Variants in LRMDA observed in about 807,000 individuals in gnomAD.
LRMDA encodes leucine rich melanocyte differentiation associated, also known as leucine-rich melanocyte differentiation-associated protein.
A neutral mutation model predicts 29.8 loss-of-function variants in LRMDA; 18 were observed. The observed-to-expected ratio is 0.60, with a 90% confidence interval of 0.42 to 0.90. The LOEUF (loss-of-function observed/expected upper bound fraction) is 0.90. LRMDA is among the 40% of genes least tolerant of loss of function. LRMDA has a pLI of 0.00. For synonymous variants in LRMDA, 125 were observed against 109.4 expected, an observed-to-expected ratio of 1.14 and a Z score of -0.89; for missense variants, 273 against 273.9, an observed-to-expected ratio of 1.00 and a Z score of 0.02.
At chr10:75,857,683 G>T (rs1844851466) in intron 2 of LRMDA, among the ~76,000 whole-genome samples, 2 of 152,192 alleles carry the variant, frequency 1.3e-5, no homozygotes, top group African/African-American at 4.8e-5. Flanking sequence ...AATTAAAGGA[G>T]GCCATAAAGA....
intron 2 of LRMDA, among the ~76,000 whole-genome samples, chr10:75,937,748 G>A (rs972578862): frequency 6.6e-6 from 1 of 152,184 alleles, no homozygotes; most frequent in Non-Finnish European, 1.5e-5. Flanking sequence ...AAGGAAAGAA[G>A]CCTCTTAGAT....
chr10:76,468,305 G>T lies in LRMDA; in HGVS notation c.602-88904G>T, dbSNP rs114218026. ...CTTCAGTCAAAATTTATTTCTTCAGGAATTTAATTTCCTTCTTCATCTCTT... is the reference window on the plus strand; with the variant it reads ...CTTCAGTCAAAATTTATTTCTTCAGTAATTTAATTTCCTTCTTCATCTCTT... On this transcript the variant is annotated intron_variant, in intron 6 of 6. Transcript: ENST00000611255. Among the ~76,000 whole-genome samples the T allele has an allele frequency of 9.1e-3, 1,385 of 152,270 alleles. 18 individuals carry two copies. Among genetic ancestry groups the T allele is most frequent in the African/African-American group, 0.032 (1,330 of 41,564 alleles).
At chr10:76,370,766 A>G (rs1212114537) in intron 6 of LRMDA, among the ~76,000 whole-genome samples, 1 of 152,150 alleles carries the variant, frequency 6.6e-6, no homozygotes, top group African/African-American at 2.4e-5. Flanking sequence ...CATACTATAT[A>G]TAGTAAGTGG....
At chr10:75,856,920 T>C (rs1475615627) in intron 2 of LRMDA, among the ~76,000 whole-genome samples, 2 of 152,202 alleles carry the variant, frequency 1.3e-5, no homozygotes, top group Non-Finnish European at 2.9e-5. Context: ...CATGATTGTA[T>C]ATTTAGAAAA....
Position 75,914,879 on chromosome 10 carries a change from C to T in LRMDA, c.132-121129C>T, listed in dbSNP as rs193153356. ...GCAACATGACCTCTTGTGTTGTAAC[C>T]TATACAAAGGTAAAAGTCTATATGG... On this transcript the variant is annotated intron_variant, in intron 2 of 6. Coordinates refer to ENST00000611255, the MANE Select transcript of LRMDA (RefSeq NM_001305581.2). 2.7e-4 allele frequency among the ~76,000 whole-genome samples: 41 copies of T among 152,168 alleles called. No homozygotes were observed. In the East Asian group the frequency reaches 7.1e-3, roughly 27 times the overall value.
intron 2 of LRMDA, among the ~76,000 whole-genome samples, chr10:75,708,290 C>T (rs964896884): frequency 6.6e-6 from 1 of 152,234 alleles, no homozygotes; most frequent in Non-Finnish European, 1.5e-5. Flanking sequence ...TGCTCTCTCT[C>T]TCATAACACA....
chr10:75,946,529 C>T (rs768855124), intron 2 of LRMDA, among the ~76,000 whole-genome samples: 2 of 151,998 alleles, frequency 1.3e-5, no homozygotes, highest in Non-Finnish European at 2.9e-5. Flanking sequence ...TGGCTGCTGG[C>T]GTTTGATTTG....
At chr10:75,670,577 G>A (rs1018769662) in intron 2 of LRMDA, among the ~76,000 whole-genome samples, 1 of 152,152 alleles carries the variant, frequency 6.6e-6, no homozygotes, top group East Asian at 1.9e-4. Context: ...TTCCCATCCT[G>A]GCTCCAAGGA....
intron 2 of LRMDA, among the ~76,000 whole-genome samples, chr10:75,546,559 T>C (rs1176141686): frequency 6.6e-6 from 1 of 152,232 alleles, no homozygotes; most frequent in African/African-American, 2.4e-5. Context: ...TGTATTTTTT[T>C]CTGCTAGTTT....
chr10:75,868,831 C>G (rs1845062287), intron 2 of LRMDA, among the ~76,000 whole-genome samples: 1 of 152,162 alleles, frequency 6.6e-6, no homozygotes, highest in South Asian at 2.1e-4. Flanking sequence ...TGCCGTCTCA[C>G]CCAGGATTTC....
chr10:75,511,245 G>A (rs1032120301), intron 2 of LRMDA, among the ~76,000 whole-genome samples: 1 of 152,192 alleles, frequency 6.6e-6, no homozygotes, highest in African/African-American at 2.4e-5. Flanking sequence ...TGAGGTGGGA[G>A]GATTGCCTCA....
At chr10:76,480,158 C>G (rs1842720992) in intron 6 of LRMDA, among the ~76,000 whole-genome samples, 1 of 151,936 alleles carries the variant, frequency 6.6e-6, no homozygotes, top group Non-Finnish European at 1.5e-5. Context: ...GACTTCTCAA[C>G]TGCTATTAGA....
At chr10:76,041,753 C>T (rs79459072) in intron 3 of LRMDA, among the ~76,000 whole-genome samples, 1 of 152,080 alleles carries the variant, frequency 6.6e-6, no homozygotes, top group African/African-American at 2.4e-5. Context: ...GGCAAGCCTC[C>T]CCATGACAGC....
intron 2 of LRMDA, among the ~76,000 whole-genome samples, chr10:75,674,363 A>G (rs117854372): frequency 0.014 from 2,130 of 152,286 alleles, 21 homozygotes; most frequent in Non-Finnish European, 0.024. Flanking sequence ...TATATAACAG[A>G]TAAGAGTGAT....
In LRMDA at chr10:75,619,535, C is replaced by T. The variant is rs908705034; in HGVS notation, c.131+181041C>T. ...AGGGTGAAGGGCAAACACACAAAGCCCCAAAGGTTCTATTTTTGGGCTGAG... is the reference window on the plus strand; with the variant it reads ...AGGGTGAAGGGCAAACACACAAAGCTCCAAAGGTTCTATTTTTGGGCTGAG... On this transcript the variant is annotated intron_variant, in intron 2 of 6. Coordinates refer to ENST00000611255, the MANE Select transcript of LRMDA (RefSeq NM_001305581.2). Among the ~76,000 whole-genome samples, 6 of 152,136 alleles carry T rather than the reference C, an allele frequency of 3.9e-5. No homozygotes were observed. The East Asian group carries it at 7.7e-4, about 20-fold the overall frequency.
intron 2 of LRMDA, among the ~76,000 whole-genome samples, chr10:75,725,573 A>G (rs764919905): frequency 9.2e-5 from 14 of 152,206 alleles, no homozygotes; most frequent in South Asian, 2.1e-4. Flanking sequence ...TTGAGTCCCA[A>G]TGTCAGAGAC....
intron 6 of LRMDA, chr10:76,438,558 G>A (rs1842268683): frequency 6.6e-6 from 1 of 152,082 alleles, no homozygotes; most frequent in Non-Finnish European, 1.5e-5. Flanking sequence ...ATCATTTCAG[G>A]TTGTGGCAGA....
Position 76,413,768 on chromosome 10 carries a change from AG to A in LRMDA, c.601+89287del, listed in dbSNP as rs1427692086. Among the ~76,000 whole-genome samples, 5 of 152,334 alleles carry A rather than the reference AG, an allele frequency of 3.3e-5. No individual in the cohort carries two copies. The East Asian group carries it at 9.6e-4, about 29-fold the overall frequency. ...TCTGTCTGTGTTGCTGTTCTATCCC[AG>A]GGGCCTAAACTAGAGCTTGGCACAC... On this transcript the variant is annotated intron_variant, in intron 6 of 6. Coordinates refer to ENST00000611255, the MANE Select transcript of LRMDA (RefSeq NM_001305581.2).
chr10:76,378,858 C>CTTTTTTTTTTTTTTTTTTTTT (rs144037195), intron 6 of LRMDA, among the ~76,000 whole-genome samples: 76 of 118,928 alleles, frequency 6.4e-4, no homozygotes, highest in Non-Finnish European at 8.5e-4. Context: ...CTTTTTTTTT[C>CTTTTTTTTTTTTTTTTTTTTT]TTTTTTTTTT....
Sources: gnomAD v4.1 joint callset for allele counts (sites outside exome capture counted in the v4.1 genomes callset) on GRCh38, gnomAD v4.1.1 for gene constraint, MANE v1.5 for transcripts, NCBI Gene and HGNC (gene_info 2026-07-23, HGNC 2026-07-21) for gene names.